Variants in RUVBL1 observed in about 807,000 individuals in gnomAD.
RUVBL1 encodes ruvB-like 1.
RUVBL1 carries 4 observed loss-of-function variants against 52.4 expected under a neutral mutation model. The ratio of observed to expected loss-of-function variants is 0.08; its 90% CI spans 0.04 to 0.17. The LOEUF is 0.17. Among genes scored for constraint, RUVBL1 ranks in the 10% least tolerant of loss-of-function variants. The pLI, the probability that RUVBL1 is intolerant of heterozygous loss-of-function variation, is 1.00. For synonymous variants in RUVBL1, 217 were observed against 214.4 expected (o/e 1.01, Z -0.10); for missense variants, 298 against 572.8 (o/e 0.52, Z 4.90).
intron 1 of RUVBL1, 122 bp from the exon 2 acceptor site, chr3:128,119,536 C>A (rs1217221184): frequency 1.1e-5 from 8 of 700,752 alleles, no homozygotes; most frequent in Non-Finnish European, 1.9e-5. Context: ...TGCCAGTGCA[C>A]TGCAGTCACT....
chr3:128,094,756 T>G (rs759598736), intron 8 of RUVBL1, among the ~76,000 whole-genome samples: 3 of 152,170 alleles, frequency 2.0e-5, no homozygotes, highest in Non-Finnish European at 2.9e-5. Flanking sequence ...CTTCCCCCTC[T>G]CTTTCCTTCG....
chr3:128,110,173 C>T (rs1943350885), intron 3 of RUVBL1, among the ~76,000 whole-genome samples: 1 of 152,130 alleles, frequency 6.6e-6, no homozygotes, highest in African/African-American at 2.4e-5. Context: ...GCAGTCCTAG[C>T]TACTTGGGAG....
At chr3:128,103,377 G>A (rs532235608) in intron 4 of RUVBL1, among the ~76,000 whole-genome samples, 2 of 152,184 alleles carry the variant, frequency 1.3e-5, no homozygotes, top group Non-Finnish European at 2.9e-5. Context: ...TGGAAGTGAC[G>A]AGGGGTAGGT....
chr3:128,124,752 G>C (rs1342459856), upstream of RUVBL1, among the ~76,000 whole-genome samples: 1 of 152,204 alleles, frequency 6.6e-6, no homozygotes, highest in Non-Finnish European at 1.5e-5. Flanking sequence ...GTGGCGAGAA[G>C]ACCAGAGCAG....
chr3:128,129,064 C>T (rs867444873), intron 1 of RUVBL1, among the ~76,000 whole-genome samples: 1 of 152,190 alleles, frequency 6.6e-6, no homozygotes, highest in South Asian at 2.1e-4. Context: ...GCACAGTTCT[C>T]ATCTTGCCAA....
chr3:128,065,391 T>C (rs1353109765), intron 9 of RUVBL1: 2 of 552,410 alleles, frequency 3.6e-6, no homozygotes, highest in Non-Finnish European at 6.3e-6. Context: ...TTGTATGATA[T>C]TTATAGGTAA....
chr3:128,133,106 T>C (rs1943904655), intron 1 of RUVBL1, among the ~76,000 whole-genome samples: 1 of 152,190 alleles, frequency 6.6e-6, no homozygotes, highest in African/African-American at 2.4e-5. Context: ...AGCCAGGCAG[T>C]TCTTGCTATA....
upstream of RUVBL1, chr3:128,123,956 G>A (rs1943723579): frequency 4.1e-6 from 5 of 1,224,820 alleles, no homozygotes; most frequent in Non-Finnish European, 5.1e-6. Context: ...CTCCGGGTTG[G>A]CTTCCCCCGT....
intron 1 of RUVBL1, 123 bp from the exon 2 acceptor site, chr3:128,119,537 T>C (rs545494479): frequency 1.4e-5 from 10 of 701,076 alleles, no homozygotes; most frequent in African/African-American, 5.4e-5. Context: ...GCCAGTGCAC[T>C]GCAGTCACTG....
chr3:128,066,960 C>A lies in RUVBL1; in HGVS notation c.940-1740G>T, dbSNP rs144643278. 1,356 of 1,614,152 alleles carry A rather than the reference C, an allele frequency of 8.4e-4. 5 individuals are homozygous for A. Among genetic ancestry groups the A allele is most frequent in the Admixed American group, 1.3e-3 (81 of 60,012 alleles). Reference sequence around the variant, plus strand: ...GTTCTGTTTGGCTTCTCAGGGCTTCCGAGTGGACCTGCCAATCAAGTCGGC... The same window carrying A: ...GTTCTGTTTGGCTTCTCAGGGCTTCAGAGTGGACCTGCCAATCAAGTCGGC... On this transcript the variant is annotated intron_variant, in intron 9 of 9. Transcript: ENST00000464873.
chr3:128,072,459 G>A lies in RUVBL1; in HGVS notation c.940-7239C>T, dbSNP rs377596226. On this transcript the variant is annotated intron_variant, in intron 9 of 9. Coordinates refer to the RUVBL1 transcript ENST00000464873. ...GAAACTGATTTCCAAGGGGAGTTGGGTCAGAGCAGGATGGTTCCTCTGAGA... is the reference window on the plus strand; with the variant it reads ...GAAACTGATTTCCAAGGGGAGTTGGATCAGAGCAGGATGGTTCCTCTGAGA... 4.6e-4 allele frequency among the ~76,000 whole-genome samples: 70 copies of A among 152,324 alleles called. 1 individual carries two copies. The highest frequency in any genetic ancestry group is 1.7e-3 in the African/African-American group (69 of 41,576).
Position 128,081,336 on chromosome 3 carries a change from G to A in RUVBL1, c.1285C>T (p.His429Tyr), listed in dbSNP as rs376409650. ...INGKDSIEKE[H>Y]VEEISELFYD... is the part of the protein sequence containing the mutation. ...AAAAGTTCACTGATCTCTTCGACAT[G>A]CTCTTTCTCAATGCTGTCCTTCCCG... Residue 429 changes from histidine (H) to tyrosine (Y), a missense_variant, in exon 11 of 11, where the codon CAT becomes TAT. His to Tyr is a moderately conservative substitution (Grantham distance 83). This residue lies in a region of RUVBL1 where 161 missense variants were observed against 298.3 expected (regional missense o/e 0.54). Transcript: ENST00000322623. The surrounding 1 kb of genome is among the most constrained non-coding windows in gnomAD (Gnocchi z 4.8). The A allele has an allele frequency of 6.2e-7, 1 of 1,614,234 alleles. No individual in the cohort carries two copies. The highest frequency in any genetic ancestry group is 8.5e-7 in the Non-Finnish European group (1 of 1,180,032).
In RUVBL1 at chr3:128,108,842, C is replaced by T. The variant is rs570536030; in HGVS notation, c.362-3918G>A. 2.6e-5 allele frequency among the ~76,000 whole-genome samples: 4 copies of T among 152,128 alleles called. No individual in the cohort carries two copies. In the South Asian group the frequency reaches 6.2e-4, roughly 24 times the overall value. The stretch of plus-strand genomic sequence containing the variant: ...GATTTTAAACCTTAAAGGAGTCCTG[C>T]GAGTCATTTCCACTGCTATTCCAAA... On this transcript the variant is annotated intron_variant, in intron 3 of 10. Transcript: ENST00000322623.
chr3:128,065,367 C>A, intron 9 of RUVBL1: 1 of 576,458 alleles, frequency 1.7e-6, no homozygotes, highest in South Asian at 2.3e-5. Flanking sequence ...CCTCATTGCT[C>A]TCTTATAGAA....
rs186328537 is a variant in RUVBL1 at position 128,129,927 on chromosome 3, G to A, written c.-39-10513C>T. The stretch of plus-strand genomic sequence containing the variant: ...TCTGGGAAGATGAAAAAGTTCTGGA[G>A]ATGGATGATAGTGATGGTTGCACAA... On this transcript the variant is annotated intron_variant, in intron 1 of 9. Transcript: ENST00000464873. Among the ~76,000 whole-genome samples the A allele has an allele frequency of 1.3e-4, 20 of 152,298 alleles. No individual in the cohort carries two copies. The East Asian group carries it at 3.7e-3, about 28-fold the overall frequency.
At chr3:128,100,568 C>A in intron 6 of RUVBL1, 27 bp downstream of exon 6, 1 of 1,568,812 alleles carries the variant, frequency 6.4e-7, no homozygotes, top group Admixed American at 2.0e-5. Flanking sequence ...GCTAATGTGC[C>A]AGATCACCCA....
At chr3:128,150,264 A>G (rs1042660484) in intron 1 of RUVBL1, among the ~76,000 whole-genome samples, 7 of 152,094 alleles carry the variant, frequency 4.6e-5, no homozygotes, top group African/African-American at 1.4e-4. Context: ...TGTTCAATCA[A>G]TATTTGTTAG....
chr3:128,080,234 G>A (rs1288436516), downstream of RUVBL1, among the ~76,000 whole-genome samples: 1 of 152,202 alleles, frequency 6.6e-6, no homozygotes, highest in Non-Finnish European at 1.5e-5. Flanking sequence ...CTCAATTTGA[G>A]CAACAAAATA....
intron 3 of RUVBL1, among the ~76,000 whole-genome samples, chr3:128,106,466 C>CG (rs1943241059): frequency 6.6e-6 from 1 of 151,968 alleles, no homozygotes; most frequent in African/African-American, 2.4e-5. Context: ...TATCCCCCCC[C>CG]CCTTCACACA....
Sources: gnomAD v4.1 joint callset for allele counts (sites outside exome capture counted in the v4.1 genomes callset) on GRCh38, gnomAD v4.1.1 for gene constraint, gnomAD v4.1.1 regional missense constraint, Gnocchi (gnomAD v3.1) non-coding constraint, MANE v1.5 for transcripts, NCBI Gene and HGNC (gene_info 2026-07-23, HGNC 2026-07-21) for gene names.